The following CDYL2 variants were observed in gnomAD, a reference collection of about 807,000 sequenced individuals.
The protein encoded by CDYL2 is chromodomain Y like 2.
Under a neutral mutation model 49.4 loss-of-function variants are expected in CDYL2, and 23 were observed. The observed-to-expected ratio is 0.47, with a 90% CI of 0.34 to 0.66. The LOEUF (loss-of-function observed/expected upper bound fraction) is 0.66. CDYL2 is among the 30% of genes least tolerant of loss of function. The probability of loss-of-function intolerance (pLI) is 0.01; values close to 1 mark genes in which losing one functional copy is unlikely to be tolerated. For synonymous variants in CDYL2, 360 were observed against 268.8 expected (o/e 1.34, Z -3.32); for missense variants, 678 against 656.4 (o/e 1.03, Z -0.36).
chr16:80,659,812 G>T (rs1567559603), intron 2 of CDYL2, among the ~76,000 whole-genome samples: 1 of 151,946 alleles, frequency 6.6e-6, no homozygotes, highest in Admixed American at 6.5e-5. Flanking sequence ...ATAACTCTAA[G>T]AAAAGAATAG....
chr16:80,799,590 G>C (rs1038638423), intron 1 of CDYL2, among the ~76,000 whole-genome samples: 1 of 152,140 alleles, frequency 6.6e-6, no homozygotes, highest in Non-Finnish European at 1.5e-5. Flanking sequence ...CCAATACAAA[G>C]ATCTTTAATA....
intron 1 of CDYL2, among the ~76,000 whole-genome samples, chr16:80,787,006 C>T (rs563189721): frequency 1.8e-4 from 27 of 151,876 alleles, no homozygotes; most frequent in Admixed American, 7.2e-4. Context: ...CACCATGGCA[C>T]GTGCATACCT....
At chr16:80,711,304 G>C (rs185827102) in intron 1 of CDYL2, among the ~76,000 whole-genome samples, 2 of 152,264 alleles carry the variant, frequency 1.3e-5, no homozygotes, top group African/African-American at 2.4e-5. Flanking sequence ...ACAATATAAA[G>C]TACGTATCTT....
intron 2 of CDYL2, among the ~76,000 whole-genome samples, chr16:80,645,129 A>T (rs1408129695): frequency 3.3e-5 from 5 of 152,232 alleles, no homozygotes; most frequent in Non-Finnish European, 5.9e-5. Context: ...AAAAGCCAAA[A>T]TTGACAAATG....
At chr16:80,689,446 CA>C in intron 1 of CDYL2, among the ~76,000 whole-genome samples, 1 of 152,180 alleles carries the variant, frequency 6.6e-6, no homozygotes, top group East Asian at 1.9e-4. Context: ...TCTCATTTGA[CA>C]GGGGAGGAAA....
At chr16:80,684,463 T>C (rs2142474855) in intron 2 of CDYL2, 75 bp downstream of exon 2, 1 of 1,385,282 alleles carries the variant, frequency 7.2e-7, no homozygotes, top group Non-Finnish European at 9.9e-7. Context: ...GTCTTATGTA[T>C]GTCCCTAGGC....
At chr16:80,685,509 T>A (rs1910155721) in intron 1 of CDYL2, among the ~76,000 whole-genome samples, 1 of 152,230 alleles carries the variant, frequency 6.6e-6, no homozygotes, top group Admixed American at 6.5e-5. Context: ...ACCAATTTGG[T>A]GTGAGTTCTT....
At chr16:80,623,403 A>C (rs1907168138) in intron 3 of CDYL2, among the ~76,000 whole-genome samples, 1 of 151,894 alleles carries the variant, frequency 6.6e-6, no homozygotes, top group African/African-American at 2.4e-5. Flanking sequence ...TGCATGGCAC[A>C]TACCCTGCAA....
intron 1 of CDYL2, among the ~76,000 whole-genome samples, chr16:80,748,131 T>C (rs1195613535): frequency 9.1e-6 from 1 of 109,400 alleles, no homozygotes; most frequent in Non-Finnish European, 1.7e-5. Flanking sequence ...TAAATAATAA[T>C]AATAATAATA....
At chr16:80,648,576 G>T (rs1344076106) in intron 2 of CDYL2, among the ~76,000 whole-genome samples, 1 of 151,058 alleles carries the variant, frequency 6.6e-6, no homozygotes, top group Non-Finnish European at 1.5e-5. Context: ...AACATTTGAA[G>T]AACTAATACC....
chr16:80,699,625 A>C (rs891404189), intron 1 of CDYL2, among the ~76,000 whole-genome samples: 1 of 152,254 alleles, frequency 6.6e-6, no homozygotes, highest in African/African-American at 2.4e-5. Flanking sequence ...TATAGTTAAC[A>C]AAATTTTATT....
At chr16:80,776,312 G>C (rs900860014) in intron 1 of CDYL2, among the ~76,000 whole-genome samples, 4 of 152,028 alleles carry the variant, frequency 2.6e-5, no homozygotes, top group African/African-American at 9.7e-5. Flanking sequence ...AGATGTTTTG[G>C]AAATAATTTG....
At chr16:80,712,197 A>ATG (rs1904639004) in intron 1 of CDYL2, among the ~76,000 whole-genome samples, 6 of 119,548 alleles carry the variant, frequency 5.0e-5, no homozygotes, top group Non-Finnish European at 1.2e-4. Flanking sequence ...GTGTGTATAT[A>ATG]TATATATATA....
chr16:80,723,290 C>A (rs1486563333), intron 1 of CDYL2, among the ~76,000 whole-genome samples: 1 of 152,238 alleles, frequency 6.6e-6, no homozygotes, highest in African/African-American at 2.4e-5. Context: ...GAGCTGTGCC[C>A]AGAAGGGTTG....
intron 2 of CDYL2, among the ~76,000 whole-genome samples, chr16:80,642,439 T>A (rs145540347): frequency 6.6e-6 from 1 of 152,162 alleles, no homozygotes; most frequent in Non-Finnish European, 1.5e-5. Flanking sequence ...CGAGACTCCA[T>A]CTAAAAAAAA....
At chr16:80,782,550 A>C (rs983419631) in intron 1 of CDYL2, among the ~76,000 whole-genome samples, 5 of 151,084 alleles carry the variant, frequency 3.3e-5, no homozygotes, top group Admixed American at 2.0e-4. Flanking sequence ...AAAAAAAAAA[A>C]AACTACAGGC....
At chr16:80,663,888 C>T (rs865988482) in intron 2 of CDYL2, among the ~76,000 whole-genome samples, 3 of 152,140 alleles carry the variant, frequency 2.0e-5, no homozygotes, top group African/African-American at 7.2e-5. Flanking sequence ...CACTATGCCC[C>T]GCCTAAATGT....
At chr16:80,750,100 G>C (rs2142561887) in intron 1 of CDYL2, among the ~76,000 whole-genome samples, 1 of 152,080 alleles carries the variant, frequency 6.6e-6, no homozygotes, top group East Asian at 1.9e-4. Flanking sequence ...TGGGGGGATG[G>C]GGGAGGGACA....
At chr16:80,719,258 T>C (rs1370983888) in intron 1 of CDYL2, among the ~76,000 whole-genome samples, 1 of 151,976 alleles carries the variant, frequency 6.6e-6, no homozygotes, top group Non-Finnish European at 1.5e-5. Flanking sequence ...AAACTGAAGA[T>C]TCCCAGGCCC....
Sources: allele counts gnomAD v4.1 joint callset (sites outside exome capture counted in the v4.1 genomes callset), GRCh38; gene constraint gnomAD v4.1.1; transcripts MANE v1.5; gene names NCBI Gene and HGNC (gene_info 2026-07-23, HGNC 2026-07-21).